Variants in TMEM164 observed in about 807,000 individuals in gnomAD.
TMEM164 encodes RP13-360B22.2.
TMEM164 carries 4 observed loss-of-function variants against 18.8 expected under a neutral mutation model. That is an observed-to-expected ratio of 0.21 (90% CI 0.10 to 0.49). TMEM164 has a LOEUF of 0.49. Ranked by LOEUF, TMEM164 falls within the 20% of genes least tolerant of loss-of-function variation. The pLI is 0.98. For synonymous variants in TMEM164, 86 were observed against 101.7 expected (o/e 0.85, Z 0.93); for missense variants, 108 against 239.9 (o/e 0.45, Z 3.63).
chrX:110,020,435 C>T, intron 2 of TMEM164: 7 of 753,741 alleles, frequency 9.3e-6, no homozygotes, highest in Non-Finnish European at 1.1e-5. Context: ...GAGGTATTGC[C>T]TTCGAGAAGA....
intron 3 of TMEM164, among the ~76,000 whole-genome samples, chrX:110,100,956 T>G (rs932261211): frequency 9.0e-6 from 1 of 110,839 alleles, no homozygotes; most frequent in Non-Finnish European, 1.9e-5. Flanking sequence ...TTGTGTCTGT[T>G]GTTCATGAGG....
At chrX:110,054,061 A>G (rs1215244499) in intron 2 of TMEM164, among the ~76,000 whole-genome samples, 1 of 112,005 alleles carries the variant, frequency 8.9e-6, no homozygotes, top group Non-Finnish European at 1.9e-5. Context: ...TTGGCAACAA[A>G]CATGACCTCT....
chrX:110,145,680 G>C (rs921178536), intron 5 of TMEM164, among the ~76,000 whole-genome samples: 3 of 111,955 alleles, frequency 2.7e-5, no homozygotes, highest in African/African-American at 9.8e-5. Flanking sequence ...AGGCAGCAAG[G>C]GTTTCATTTC....
intron 4 of TMEM164, among the ~76,000 whole-genome samples, chrX:110,116,837 TGTGTGTGTGTGTGTGCGCGTGTGC>T (rs1391101483): frequency 9.5e-6 from 1 of 105,774 alleles, no homozygotes; most frequent in Non-Finnish European, 2.0e-5. Flanking sequence ...TGTGTGTGTG[TGTGTGTGTGTGTGTGCGCGTGTGC>T]GTGTGTGTGT....
intron 3 of TMEM164, among the ~76,000 whole-genome samples, chrX:110,088,863 TG>T (rs1175208854): frequency 8.9e-6 from 1 of 112,394 alleles, no homozygotes; most frequent in Non-Finnish European, 1.9e-5. Flanking sequence ...ATGTCACCAT[TG>T]GGTAAAAGAA....
chrX:110,017,405 C>CCTTCCTTTCTTTCTTTCTTTCTTTCTTT (rs1555984533), intron 2 of TMEM164, among the ~76,000 whole-genome samples: 7 of 15,273 alleles, frequency 4.6e-4, no homozygotes, highest in African/African-American at 7.8e-4. Flanking sequence ...CCACCTCCTT[C>CCTTCCTTTCTTTCTTTCTTTCTTTCTTT]CTTTCTTTCT....
In TMEM164 at chrX:110,003,781, C is replaced by T; in HGVS notation, c.7C>T (p.Arg3Trp). 1.7e-6 allele frequency: 2 copies of T among 1,196,802 alleles called. No individual in the cohort carries two copies. Among genetic ancestry groups the T allele is most frequent in the Non-Finnish European group, 2.3e-6 (2 of 888,528 alleles). MS[R>W]YSYQSLLDWL... ...CAAGGGGAACCACTGCATCATGTCC[C>T]GGTATAGCTACCAGAGTCTCCTGGA... Residue 3 changes from arginine to tryptophan, a missense_variant, in exon 2 of 7, where the codon CGG (arginine) becomes TGG (tryptophan). Arg to Trp is a moderately radical substitution (Grantham distance 101). Transcript: ENST00000372068.
Position 110,080,859 on chromosome X carries a change from C to T in TMEM164, c.440+13463C>T, listed in dbSNP as rs765754211. 1.4e-4 allele frequency among the ~76,000 whole-genome samples: 15 copies of T among 108,517 alleles called. No individual in the cohort carries two copies. The South Asian group carries it at 5.6e-3, about 41-fold the overall frequency. 94.2% of individuals were successfully genotyped at this position (108,517 alleles called of 115,157 possible). A position where few individuals can be genotyped will look rare whatever the true frequency, so the allele number is the denominator to read the frequency against. On this transcript the variant is annotated intron_variant, in intron 3 of 6. Coordinates refer to ENST00000372068, the MANE Select transcript of TMEM164 (RefSeq NM_032227.4). ...TCAGCCTCTCAAGTAGCTGGGACCA[C>T]AGGTGTGCACCACTATGCCTAGCTA...
chrX:110,124,907 C>T (rs1376302644), intron 4 of TMEM164, among the ~76,000 whole-genome samples: 3 of 112,077 alleles, frequency 2.7e-5, no homozygotes. Context: ...TTTCATTATG[C>T]ATGTCTGAAA....
At chrX:110,030,442 T>G (rs1934431063) in intron 2 of TMEM164, among the ~76,000 whole-genome samples, 1 of 107,982 alleles carries the variant, frequency 9.3e-6, no homozygotes, top group Non-Finnish European at 1.9e-5. Flanking sequence ...TTTTTAACAT[T>G]TTTTTTCGTG....
intron 2 of TMEM164, among the ~76,000 whole-genome samples, chrX:110,054,941 T>C (rs1236833307): frequency 8.9e-6 from 1 of 111,752 alleles, no homozygotes; most frequent in Non-Finnish European, 1.9e-5. Flanking sequence ...TGAAGCCAAA[T>C]TAAACAGGGA....
chrX:110,009,694 C>G (rs1932911460), intron 2 of TMEM164, among the ~76,000 whole-genome samples: 1 of 111,450 alleles, frequency 9.0e-6, no homozygotes, highest in Non-Finnish European at 1.9e-5. Context: ...GCCCTATGTT[C>G]CTATTAAGAG....
At chrX:110,066,205 C>T (rs1456999291) in intron 2 of TMEM164, among the ~76,000 whole-genome samples, 2 of 110,896 alleles carry the variant, frequency 1.8e-5, no homozygotes, top group East Asian at 2.8e-4. Context: ...ATATGGACTC[C>T]GAGAGAACAG....
At chrX:110,067,643 A>G (rs1024125197) in intron 3 of TMEM164, among the ~76,000 whole-genome samples, 2 of 112,221 alleles carry the variant, frequency 1.8e-5, no homozygotes, top group Non-Finnish European at 3.8e-5. Flanking sequence ...TGGCCAAGGC[A>G]TGCTCCCTTG....
In TMEM164 at chrX:110,078,958, G is replaced by A. The variant is rs764091730; in HGVS notation, c.440+11562G>A. Among the ~76,000 whole-genome samples the A allele has an allele frequency of 7.1e-5, 8 of 112,136 alleles. 1 individual carries two copies. In the South Asian group the frequency reaches 1.1e-3, roughly 16 times the overall value. ...ATTTCTCAACAGAAGCTCCGTGAAC[G>A]TCAATTTAATTCATCCCTAAAGAAT... On this transcript the variant is annotated intron_variant, in intron 3 of 6. Transcript: ENST00000372068.
chrX:110,051,437 G>C (rs369116301), intron 2 of TMEM164, among the ~76,000 whole-genome samples: 2 of 110,961 alleles, frequency 1.8e-5, no homozygotes, highest in East Asian at 5.6e-4. Context: ...GGCTGTTTGA[G>C]CCAGGTGAAG....
Position 110,145,418 on chromosome X carries a change from T to C in TMEM164, c.586+542T>C, listed in dbSNP as rs1332247989. ...GGTGAAGAGGGAGAGACCACCAACC[T>C]GGTAGAGGCAGCCTGGAAAGGAAGC... is the stretch of plus-strand genomic sequence containing the variant. On this transcript the variant is annotated intron_variant, in intron 5 of 6. Coordinates refer to ENST00000372068, the MANE Select transcript of TMEM164 (RefSeq NM_032227.4). Among the ~76,000 whole-genome samples the C allele has an allele frequency of 2.7e-5, 3 of 111,291 alleles. No individual in the cohort carries two copies. The East Asian group carries it at 8.5e-4, about 31-fold the overall frequency.
intron 2 of TMEM164, among the ~76,000 whole-genome samples, chrX:110,038,941 T>G (rs1934972276): frequency 9.0e-6 from 1 of 111,699 alleles, no homozygotes. Flanking sequence ...TGGTTTCTCT[T>G]TTGATCATGA....
chrX:110,052,745 G>GTTTTT (rs34292132), intron 2 of TMEM164, among the ~76,000 whole-genome samples: 21 of 68,832 alleles, frequency 3.1e-4, no homozygotes, highest in Non-Finnish European at 4.6e-4. Flanking sequence ...ACATGCATCT[G>GTTTTT]TTTTTTTTTT....
Sources: gnomAD v4.1 joint callset for allele counts (sites outside exome capture counted in the v4.1 genomes callset) on GRCh38, gnomAD v4.1.1 for gene constraint, MANE v1.5 for transcripts, NCBI Gene and HGNC (gene_info 2026-07-23, HGNC 2026-07-21) for gene names.